The following NXPH1 variants were observed in gnomAD, a reference collection of about 807,000 sequenced individuals.
NXPH1 encodes the protein neurexophilin 1.
NXPH1 carries 5 observed loss-of-function variants against 23.7 expected under a neutral mutation model. The observed-to-expected ratio is 0.21, with a 90% CI of 0.11 to 0.44. NXPH1 has a LOEUF of 0.44. Among genes scored for constraint, NXPH1 ranks in the 20% least tolerant of loss-of-function variants. NXPH1 has a pLI of 0.99. For synonymous variants in NXPH1, 144 were observed against 122.2 expected, an observed-to-expected ratio of 1.18 and a Z score of -1.18; for missense variants, 324 against 321.6, an observed-to-expected ratio of 1.01 and a Z score of -0.06.
chr7:8,630,456 T>A (rs926990283), intron 2 of NXPH1, among the ~76,000 whole-genome samples: 1 of 152,114 alleles, frequency 6.6e-6, no homozygotes, highest in Non-Finnish European at 1.5e-5. Flanking sequence ...GTGCTCCCCA[T>A]GCTGACCAAA....
At chr7:8,563,390 GA>G (rs1333461932) in intron 2 of NXPH1, among the ~76,000 whole-genome samples, 3 of 151,736 alleles carry the variant, frequency 2.0e-5, no homozygotes, top group Admixed American at 1.3e-4. Context: ...CACTAACTAA[GA>G]ATTTGGATAT....
At chr7:8,520,549 T>C (rs1817753994) in intron 2 of NXPH1, among the ~76,000 whole-genome samples, 1 of 152,142 alleles carries the variant, frequency 6.6e-6, no homozygotes, top group African/African-American at 2.4e-5. Context: ...TATTGATCCA[T>C]TTCCCCCCAA....
chr7:8,730,614 G>C (rs1780135641), intron 2 of NXPH1, among the ~76,000 whole-genome samples: 1 of 152,066 alleles, frequency 6.6e-6, no homozygotes, highest in Non-Finnish European at 1.5e-5. Context: ...TAGTTTGGCT[G>C]GATATGAAAT....
intron 2 of NXPH1, among the ~76,000 whole-genome samples, chr7:8,671,185 T>G (rs1028586895): frequency 3.9e-5 from 6 of 152,226 alleles, no homozygotes; most frequent in African/African-American, 1.4e-4. Context: ...TCGTGGTGCT[T>G]AAATGAACAG....
intron 2 of NXPH1, among the ~76,000 whole-genome samples, chr7:8,693,747 G>A (rs1263582659): frequency 3.3e-5 from 5 of 151,952 alleles, no homozygotes; most frequent in South Asian, 2.1e-4. Flanking sequence ...AATCACTCCC[G>A]TACACAATGT....
chr7:8,694,806 C>T (rs1821279478), intron 2 of NXPH1, among the ~76,000 whole-genome samples: 1 of 152,076 alleles, frequency 6.6e-6, no homozygotes, highest in East Asian at 1.9e-4. Flanking sequence ...AGCTGGCTTT[C>T]TAACTTCTCA....
intron 2 of NXPH1, among the ~76,000 whole-genome samples, chr7:8,443,638 G>A (rs562099561): frequency 2.8e-4 from 43 of 152,336 alleles, no homozygotes; most frequent in African/African-American, 1.0e-3. Flanking sequence ...TATTCACGGG[G>A]AGCAGGACAA....
chr7:8,746,599 A>G (rs998930107), intron 2 of NXPH1, among the ~76,000 whole-genome samples: 1 of 152,190 alleles, frequency 6.6e-6, no homozygotes, highest in African/African-American at 2.4e-5. Flanking sequence ...TTCCTTTTCA[A>G]CATTTCAATT....
chr7:8,674,373 A>C (rs191505054), intron 2 of NXPH1, among the ~76,000 whole-genome samples: 1 of 152,286 alleles, frequency 6.6e-6, no homozygotes, highest in East Asian at 1.9e-4. Flanking sequence ...TGTTTCTCTC[A>C]AAGTATATTC....
chr7:8,733,945 C>A (rs1780201646), intron 2 of NXPH1, among the ~76,000 whole-genome samples: 1 of 152,148 alleles, frequency 6.6e-6, no homozygotes, highest in Non-Finnish European at 1.5e-5. Context: ...GTCATGAAGG[C>A]TTTGCCATGC....
intron 2 of NXPH1, among the ~76,000 whole-genome samples, chr7:8,466,380 G>C (rs1387234639): frequency 6.6e-6 from 1 of 152,098 alleles, no homozygotes; most frequent in African/African-American, 2.4e-5. Context: ...CTTTTTATTA[G>C]GTCAGCAGAA....
rs556443758 is a variant in NXPH1 at position 8,657,717 on chromosome 7, T to C, written c.55-93291T>C. On this transcript the variant is annotated intron_variant, in intron 2 of 2. Transcript: ENST00000405863. Reference sequence around the variant, plus strand: ...TAAAAGTTTCTTGGCACCAACAAAATCAATTGGAATATTAAGAAAGCAATA... The same window carrying C: ...TAAAAGTTTCTTGGCACCAACAAAACCAATTGGAATATTAAGAAAGCAATA... Among the ~76,000 whole-genome samples, 4 of 152,240 alleles carry C rather than the reference T, an allele frequency of 2.6e-5. No homozygotes were observed. The East Asian group carries it at 5.8e-4, about 22-fold the overall frequency.
At chr7:8,518,268 A>C (rs1817718597) in intron 2 of NXPH1, among the ~76,000 whole-genome samples, 1 of 152,146 alleles carries the variant, frequency 6.6e-6, no homozygotes, top group Admixed American at 6.6e-5. Context: ...CCTGGTACTG[A>C]TCAGGGGCCT....
At chr7:8,577,411 G>A (rs1818775392) in intron 2 of NXPH1, among the ~76,000 whole-genome samples, 1 of 152,134 alleles carries the variant, frequency 6.6e-6, no homozygotes, top group Non-Finnish European at 1.5e-5. Context: ...TCTTTGCTGT[G>A]GTGATTGGGG....
intron 2 of NXPH1, among the ~76,000 whole-genome samples, chr7:8,497,972 C>T (rs1817366190): frequency 6.6e-6 from 1 of 152,080 alleles, no homozygotes; most frequent in Admixed American, 6.6e-5. Context: ...CCTAGGTTTT[C>T]TTCTAGGGAA....
Position 8,461,540 on chromosome 7 carries a change from T to A in NXPH1, c.54+25773T>A, listed in dbSNP as rs1004703114. On this transcript the variant is annotated intron_variant, in intron 2 of 2. Transcript: ENST00000405863. ...TTTGTTGTTTTGCTCACTTTAAGAA[T>A]AAACACACGGCCGGGCGCGGTGGCT... 6.6e-5 allele frequency among the ~76,000 whole-genome samples: 10 copies of A among 152,086 alleles called. No homozygotes were observed. The East Asian group carries it at 1.9e-3, about 29-fold the overall frequency.
chr7:8,644,978 T>A (rs78607659), intron 2 of NXPH1, among the ~76,000 whole-genome samples: 5,313 of 152,300 alleles, frequency 0.035, 294 homozygotes, highest in East Asian at 0.17. Context: ...GCATATTATT[T>A]GTGGGATTCA....
chr7:8,474,246 G>A (rs1028875676), intron 2 of NXPH1, among the ~76,000 whole-genome samples: 1 of 151,794 alleles, frequency 6.6e-6, no homozygotes, highest in Non-Finnish European at 1.5e-5. Context: ...CATATTTTGT[G>A]TTTTTTTTCT....
chr7:8,589,537 T>C (rs1200719939), intron 2 of NXPH1, among the ~76,000 whole-genome samples: 1 of 151,948 alleles, frequency 6.6e-6, no homozygotes, highest in African/African-American at 2.4e-5. Context: ...GTATTATACC[T>C]AGCAAAAAGT....
Sources: gnomAD v4.1 joint callset for allele counts (sites outside exome capture counted in the v4.1 genomes callset) on GRCh38, gnomAD v4.1.1 for gene constraint, MANE v1.5 for transcripts, NCBI Gene and HGNC (gene_info 2026-07-23, HGNC 2026-07-21) for gene names.